Variants in ZFPM2 observed in about 807,000 individuals in gnomAD.
ZFPM2 encodes the protein zinc finger protein, FOG family member 2, also known as zinc finger protein ZFPM2.
ZFPM2 carries 20 observed loss-of-function variants against 98.6 expected under a neutral mutation model. The observed-to-expected ratio is 0.20, with a 90% confidence interval of 0.14 to 0.29. The LOEUF (loss-of-function observed/expected upper bound fraction) is 0.29. ZFPM2 is among the 10% of genes least tolerant of loss of function. ZFPM2 has a pLI of 1.00. For synonymous variants in ZFPM2, 518 were observed against 502.7 expected (o/e 1.03, Z -0.41); for missense variants, 1,310 against 1,388.6 (o/e 0.94, Z 0.90).
At chr8:105,575,892 A>G (rs1046217456) in intron 4 of ZFPM2, among the ~76,000 whole-genome samples, 1 of 152,164 alleles carries the variant, frequency 6.6e-6, no homozygotes, top group African/African-American at 2.4e-5. Flanking sequence ...GGATCCACAT[A>G]TGGTTCAGTT....
intron 4 of ZFPM2, among the ~76,000 whole-genome samples, chr8:105,631,734 A>T (rs147941446): frequency 1.1e-4 from 16 of 152,334 alleles, no homozygotes; most frequent in African/African-American, 3.4e-4. Context: ...AGCACAAGGC[A>T]CAGGATTGAG....
At chr8:105,626,548 T>C (rs927240845) in intron 4 of ZFPM2, among the ~76,000 whole-genome samples, 9 of 151,740 alleles carry the variant, frequency 5.9e-5, no homozygotes, top group East Asian at 3.9e-4. Context: ...AATAATGGAG[T>C]TGGGGGGTTG....
At chr8:105,629,909 G>C (rs1234625834) in intron 4 of ZFPM2, among the ~76,000 whole-genome samples, 1 of 151,932 alleles carries the variant, frequency 6.6e-6, no homozygotes, top group Non-Finnish European at 1.5e-5. Context: ...GATTAGACTG[G>C]GCCCATCTGG....
intron 4 of ZFPM2, among the ~76,000 whole-genome samples, chr8:105,564,194 A>G (rs1815199017): frequency 6.6e-6 from 1 of 151,858 alleles, no homozygotes; most frequent in Non-Finnish European, 1.5e-5. Context: ...CTTATATGAA[A>G]TTTTCAGAAT....
chr8:105,745,671 C>T (rs890016402), intron 5 of ZFPM2, among the ~76,000 whole-genome samples: 1 of 152,044 alleles, frequency 6.6e-6, no homozygotes, highest in Non-Finnish European at 1.5e-5. Context: ...CCAGCTTTTT[C>T]TTTGTTCATC....
chr8:105,596,704 A>G (rs1815977160), intron 4 of ZFPM2, among the ~76,000 whole-genome samples: 2 of 146,100 alleles, frequency 1.4e-5, no homozygotes, highest in Admixed American at 1.4e-4. Flanking sequence ...CTCATGATAG[A>G]GAAGGAGGTC....
chr8:105,381,928 A>G (rs978832730), intron 1 of ZFPM2, among the ~76,000 whole-genome samples: 1 of 152,144 alleles, frequency 6.6e-6, no homozygotes. Context: ...CATTATTTCT[A>G]TGGATTGGTA....
At chr8:105,725,585 T>C (rs995457199) in intron 5 of ZFPM2, among the ~76,000 whole-genome samples, 1 of 151,734 alleles carries the variant, frequency 6.6e-6, no homozygotes, top group Non-Finnish European at 1.5e-5. Context: ...TAAATCAGGA[T>C]GTATGGTAAC....
At chr8:105,666,214 C>T (rs1817485663) in intron 5 of ZFPM2, among the ~76,000 whole-genome samples, 1 of 150,804 alleles carries the variant, frequency 6.6e-6, no homozygotes, top group African/African-American at 2.5e-5. Flanking sequence ...ACATAACTTC[C>T]CATTTACTCT....
intron 5 of ZFPM2, among the ~76,000 whole-genome samples, chr8:105,750,383 AT>A (rs1563548237): frequency 6.6e-6 from 1 of 152,074 alleles, no homozygotes; most frequent in African/African-American, 2.4e-5. Context: ...CAAGTTAATT[AT>A]TTTTTAAAAA....
intron 1 of ZFPM2, among the ~76,000 whole-genome samples, chr8:105,351,515 A>G (rs766642335): frequency 6.5e-4 from 99 of 152,116 alleles, no homozygotes; most frequent in Non-Finnish European, 1.1e-3. Flanking sequence ...TCAACTTTGT[A>G]CTTACGTAAA....
chr8:105,460,520 A>G (rs373142348), intron 3 of ZFPM2, among the ~76,000 whole-genome samples: 31 of 152,266 alleles, frequency 2.0e-4, no homozygotes, highest in Non-Finnish European at 2.4e-4. Context: ...CACGGGGAGC[A>G]TGGCCCACCT....
intron 5 of ZFPM2, among the ~76,000 whole-genome samples, chr8:105,740,190 G>T (rs1056700210): frequency 6.6e-6 from 1 of 151,918 alleles, no homozygotes; most frequent in Non-Finnish European, 1.5e-5. Context: ...CTACAGGTCT[G>T]TTCTATCAGA....
chr8:105,676,738 T>TAAAAATAAAG (rs1202320119), intron 5 of ZFPM2, among the ~76,000 whole-genome samples: 1 of 151,894 alleles, frequency 6.6e-6, no homozygotes, highest in Non-Finnish European at 1.5e-5. Context: ...TTTAATAAAT[T>TAAAAATAAAG]AAAAATAAAG....
rs578218910 is a variant in ZFPM2 at position 105,783,481 on chromosome 8, C to T, written c.533-5237C>T. Among the ~76,000 whole-genome samples the T allele has an allele frequency of 2.0e-5, 3 of 152,110 alleles. No individual in the cohort carries two copies. In the East Asian group the frequency reaches 5.8e-4, roughly 29 times the overall value. ...CACATTGTTGTGCAACTATTACCAC[C>T]ATCCATCTCTAGAGCTCTTTATCTT... On this transcript the variant is annotated intron_variant, in intron 5 of 7. Transcript: ENST00000407775.
chr8:105,653,321 G>A (rs1323953101), intron 5 of ZFPM2, among the ~76,000 whole-genome samples: 3 of 152,160 alleles, frequency 2.0e-5, no homozygotes, highest in African/African-American at 7.2e-5. Context: ...TGTTCTTTAA[G>A]TCATTGAAAT....
At chr8:105,351,839 A>T (rs1812652662) in intron 1 of ZFPM2, among the ~76,000 whole-genome samples, 1 of 152,052 alleles carries the variant, frequency 6.6e-6, no homozygotes, top group Non-Finnish European at 1.5e-5. Flanking sequence ...AAAAGGCTCT[A>T]TTTTATATTA....
intron 1 of ZFPM2, among the ~76,000 whole-genome samples, chr8:105,350,858 C>A (rs1209367271): frequency 6.6e-6 from 1 of 151,878 alleles, no homozygotes; most frequent in Non-Finnish European, 1.5e-5. Flanking sequence ...TTTCAGAACC[C>A]CTAGCAGATA....
intron 5 of ZFPM2, among the ~76,000 whole-genome samples, chr8:105,706,267 C>G (rs1016732909): frequency 9.9e-5 from 15 of 152,098 alleles, no homozygotes; most frequent in South Asian, 2.1e-4. Flanking sequence ...AGTCCCTGAA[C>G]AAGGGTGACT....
Sources: allele counts gnomAD v4.1 joint callset (sites outside exome capture counted in the v4.1 genomes callset), GRCh38; gene constraint gnomAD v4.1.1; transcripts MANE v1.5; gene names NCBI Gene and HGNC (gene_info 2026-07-23, HGNC 2026-07-21).